The following BLM variants were observed in gnomAD, a reference collection of about 807,000 sequenced individuals.
The protein encoded by BLM is BLM RecQ like helicase.
BLM carries 95 observed loss-of-function variants against 135.3 expected under a neutral mutation model. The observed-to-expected ratio is 0.70, with a 90% confidence interval of 0.59 to 0.83. The LOEUF is 0.83. BLM is among the 40% of genes least tolerant of loss of function. The pLI is 0.00. For synonymous variants in BLM, 520 were observed against 589.2 expected, an observed-to-expected ratio of 0.88 and a Z score of 1.70; for missense variants, 1,518 against 1,663.9, an observed-to-expected ratio of 0.91 and a Z score of 1.53.
intron 14 of BLM, among the ~76,000 whole-genome samples, chr15:90,786,196 C>T (rs1896745333): frequency 6.6e-6 from 1 of 151,924 alleles, no homozygotes; most frequent in Non-Finnish European, 1.5e-5. Context: ...CTGTGTTGCC[C>T]AGCCTGGTCT....
chr15:90,740,698 G>A (rs1260373598), intron 1 of BLM, among the ~76,000 whole-genome samples: 1 of 152,210 alleles, frequency 6.6e-6, no homozygotes, highest in Non-Finnish European at 1.5e-5. Context: ...TGTGTCATGG[G>A]AGGGACCTCG....
At chr15:90,762,893 C>A (rs1469038261) in intron 7 of BLM, 73 bp from the exon 8 acceptor site, 3 of 1,376,210 alleles carry the variant, frequency 2.2e-6, no homozygotes, top group Non-Finnish European at 2.0e-6. Flanking sequence ...TTCTGCAGGG[C>A]AAGGGAAATG....
chr15:90,743,269 G>A (rs775265712), intron 1 of BLM, among the ~76,000 whole-genome samples: 4 of 151,826 alleles, frequency 2.6e-5, no homozygotes, highest in Non-Finnish European at 5.9e-5. Flanking sequence ...GTGAGCCACC[G>A]CTCCTGGCCT....
intron 12 of BLM, among the ~76,000 whole-genome samples, chr15:90,776,933 A>C (rs940202394): frequency 2.6e-5 from 4 of 152,122 alleles, no homozygotes; most frequent in African/African-American, 9.7e-5. Context: ...CATATAACCT[A>C]ATTGGTAAAG....
At chr15:90,764,502 C>T (rs1022849545) in intron 8 of BLM, among the ~76,000 whole-genome samples, 2 of 151,806 alleles carry the variant, frequency 1.3e-5, no homozygotes, top group East Asian at 3.9e-4. Context: ...GCATGTGCCA[C>T]CACACCTGGC....
rs1354916052 is a variant in BLM, at chr15:90,765,351, T to C, written c.2130T>C (p.Thr710=). 6.2e-7 allele frequency: 1 copy of C among 1,614,020 alleles called. No individual in the cohort carries two copies. The highest frequency in any genetic ancestry group is 8.5e-7 in the Non-Finnish European group (1 of 1,179,892). Residue 710 remains threonine, a synonymous_variant, in exon 9 of 22, where the codon ACT becomes ACC. Coordinates refer to ENST00000355112, the MANE Select transcript of BLM (RefSeq NM_000057.4). ...CTGCCTGTGTTTCTCCTGGGGTCACTGTTGTCATTTCTCCCTTGAGATCAC... is the reference window on the plus strand; with the variant it reads ...CTGCCTGTGTTTCTCCTGGGGTCACCGTTGTCATTTCTCCCTTGAGATCAC... ...QLPACVSPGV[T]VVISPLRSLI...
In BLM at chr15:90,749,681, A is replaced by G. The variant is rs1895615140; in HGVS notation, c.413A>G (p.Lys138Arg). 6.2e-7 allele frequency: 1 copy of G among 1,614,166 alleles called. No individual in the cohort carries two copies. Among genetic ancestry groups the G allele is most frequent in the Non-Finnish European group, 8.5e-7 (1 of 1,180,030 alleles). Reference protein sequence around the residue: ...VKKSRDTALKKLEFSSSPDSL... With the variant: ...VKKSRDTALKRLEFSSSPDSL... ...AAATCCCGGGATACTGCTCTCAAGA[A>G]ATTAGAATTTAGTTCTTCACCAGAT... The change falls in exon 3 of 22, where the codon AAA (lysine) becomes AGA (arginine). Residue 138 changes from lysine to arginine, a missense_variant. By Grantham distance (26) the Lys-to-Arg change is conservative. Transcript: ENST00000355112.
intron 14 of BLM, among the ~76,000 whole-genome samples, chr15:90,785,471 G>C (rs1295777944): frequency 6.6e-6 from 1 of 150,488 alleles, no homozygotes; most frequent in South Asian, 2.1e-4. Flanking sequence ...CTGCTAACCT[G>C]TTTCTAGAGT....
At chr15:90,763,393 C>T (rs12442356) in intron 8 of BLM, among the ~76,000 whole-genome samples, 1 of 152,162 alleles carries the variant, frequency 6.6e-6, no homozygotes, top group Non-Finnish European at 1.5e-5. Flanking sequence ...TTGAACTGAT[C>T]TAGAATTTTT....
At chr15:90,740,955 T>C (rs1179273419) in intron 1 of BLM, among the ~76,000 whole-genome samples, 4 of 152,200 alleles carry the variant, frequency 2.6e-5, no homozygotes, top group Non-Finnish European at 5.9e-5. Flanking sequence ...TGTTTCTTCA[T>C]AGCAGTATGA....
In BLM at chr15:90,809,271, G is replaced by A. The variant is rs563655888; in HGVS notation, c.3874+12G>A. The A allele has an allele frequency of 1.9e-6, 3 of 1,614,148 alleles. No homozygotes were observed. In the African/African-American group the frequency reaches 4.0e-5, roughly 22 times the overall value. ...ATGGACATCGCCAGGTTAGTACACA[G>A]CCATGTGTGTTCTCTAAAAGCCTGT... On this transcript the variant is annotated intron_variant, in intron 20 of 21. Transcript: ENST00000355112.
At chr15:90,768,264 A>G (rs1407589245) in intron 10 of BLM, among the ~76,000 whole-genome samples, 6 of 152,106 alleles carry the variant, frequency 3.9e-5, no homozygotes, top group Non-Finnish European at 8.8e-5. Flanking sequence ...TGATACTAGC[A>G]TGAACTCGAC....
chr15:90,753,214 C>T (rs1895734463), intron 4 of BLM, among the ~76,000 whole-genome samples: 1 of 151,948 alleles, frequency 6.6e-6, no homozygotes, highest in African/African-American at 2.4e-5. Flanking sequence ...CCATTGCACT[C>T]CAGCCTGGGC....
chr15:90,756,095 T>C (rs949698479), intron 5 of BLM, among the ~76,000 whole-genome samples: 14 of 152,072 alleles, frequency 9.2e-5, no homozygotes, highest in African/African-American at 3.4e-4. Context: ...CCTCAAACTT[T>C]AAGGTAGTTT....
chr15:90,804,298 GAA>G lies in BLM; in HGVS notation c.3692_3693del (p.Lys1231SerfsTer11), dbSNP rs1234064430. The stretch of plus-strand genomic sequence containing the variant: ...TTACAGAAGTCTGCAAATCTCTGGG[GAA>G]AGTTTTTGGTGTCCATTACTTCAAT... Reference protein sequence around the residue: ...ELTEVCKSLGKVFGVHYFNIF... With the variant: ...ELTEVCKSLGXVFGVHYFNIF... On this transcript the variant is annotated frameshift_variant, in exon 19 of 22. Coordinates refer to ENST00000355112, the MANE Select transcript of BLM (RefSeq NM_000057.4). LOFTEE classifies it high-confidence loss of function. 1.9e-6 allele frequency: 3 copies of G among 1,614,176 alleles called. No individual in the cohort carries two copies. Among genetic ancestry groups the G allele is most frequent in the Non-Finnish European group, 8.5e-7 (1 of 1,180,020 alleles).
chr15:90,784,895 T>C, intron 13 of BLM, 26 bp from the exon 14 acceptor site: 2 of 1,608,836 alleles, frequency 1.2e-6, no homozygotes, highest in Non-Finnish European at 1.7e-6. Context: ...AATTCTTGTT[T>C]CTCAGTACTC....
intron 12 of BLM, among the ~76,000 whole-genome samples, chr15:90,776,108 G>A (rs1368733375): frequency 6.6e-6 from 1 of 152,170 alleles, no homozygotes; most frequent in Non-Finnish European, 1.5e-5. Context: ...GGAATGGAAG[G>A]CATTTTTTGT....
intron 16 of BLM, among the ~76,000 whole-genome samples, chr15:90,797,754 G>A (rs1367547740): frequency 1.3e-5 from 2 of 152,126 alleles, no homozygotes; most frequent in African/African-American, 2.4e-5. Context: ...AAGGAAATGA[G>A]AAAGGAAACT....
intron 21 of BLM, among the ~76,000 whole-genome samples, chr15:90,812,836 C>T (rs1458023191): frequency 1.3e-5 from 2 of 152,116 alleles, no homozygotes; most frequent in African/African-American, 2.4e-5. Flanking sequence ...GCCAGAGTAC[C>T]GAAATTAAAG....
Sources: gnomAD v4.1 joint callset for allele counts (sites outside exome capture counted in the v4.1 genomes callset) on GRCh38, gnomAD v4.1.1 for gene constraint, MANE v1.5 for transcripts, NCBI Gene and HGNC (gene_info 2026-07-23, HGNC 2026-07-21) for gene names.